The following COL11A1 variants were observed in gnomAD, a reference collection of about 807,000 sequenced individuals.
The protein encoded by COL11A1 is collagen type XI alpha 1 chain.
In COL11A1, 74 loss-of-function variants were observed where a neutral mutation model predicts 265.2. That is an observed-to-expected ratio of 0.28 (90% CI 0.23 to 0.34). The LOEUF is 0.34. Ranked by LOEUF, COL11A1 falls within the 10% of genes least tolerant of loss-of-function variation. The pLI, the probability that COL11A1 is intolerant of heterozygous loss-of-function variation, is 1.00. For missense variants in COL11A1, 2,165 were observed against 2,263.6 expected (o/e 0.96, Z 0.88); for synonymous variants, 816 against 727.6 (o/e 1.12, Z -1.96).
chr1:102,920,258 A>T, intron 49 of COL11A1, 53 bp downstream of exon 49: 1 of 1,484,776 alleles, frequency 6.7e-7, no homozygotes, highest in Non-Finnish European at 9.4e-7. Flanking sequence ...ACCCAATATT[A>T]TTACAGTTCT....
chr1:102,972,432 A>G (rs566662667), intron 36 of COL11A1, among the ~76,000 whole-genome samples: 2 of 152,290 alleles, frequency 1.3e-5, no homozygotes, highest in South Asian at 4.1e-4. Flanking sequence ...ATAATATTTA[A>G]TGGCTTTCCT....
chr1:102,956,295 T>A (rs1327799446), intron 41 of COL11A1, among the ~76,000 whole-genome samples: 1 of 152,206 alleles, frequency 6.6e-6, no homozygotes, highest in African/African-American at 2.4e-5. Flanking sequence ...TTCTGTTCTT[T>A]TAGTATATTC....
chr1:102,889,213 T>C (rs1651412853), intron 59 of COL11A1, among the ~76,000 whole-genome samples: 1 of 152,180 alleles, frequency 6.6e-6, no homozygotes, highest in Non-Finnish European at 1.5e-5. Flanking sequence ...GATGGGAATT[T>C]AGTACATGTT....
intron 4 of COL11A1, among the ~76,000 whole-genome samples, chr1:103,033,139 A>G (rs927381500): frequency 3.9e-5 from 6 of 152,082 alleles, no homozygotes; most frequent in African/African-American, 1.2e-4. Context: ...TAATGTCTTC[A>G]AGATTGATGC....
At chr1:102,899,773 G>A (rs1225442071) in intron 54 of COL11A1, among the ~76,000 whole-genome samples, 1 of 152,082 alleles carries the variant, frequency 6.6e-6, no homozygotes, top group Non-Finnish European at 1.5e-5. Context: ...ATTGGGGTTG[G>A]TGGTTGCAGA....
chr1:103,040,636 T>C (rs1001172062), intron 4 of COL11A1, among the ~76,000 whole-genome samples: 7 of 151,600 alleles, frequency 4.6e-5, no homozygotes, highest in African/African-American at 1.7e-4. Context: ...TGATACATTT[T>C]AAAAACATTT....
chr1:103,026,036 C>A, intron 6 of COL11A1, 180 bp downstream of exon 6: 1 of 1,423,306 alleles, frequency 7.0e-7, no homozygotes, highest in Admixed American at 1.7e-5. Context: ...GAAGGCTAAG[C>A]AAAAGTGAAA....
At chr1:102,900,184 A>G (rs559324172) in intron 54 of COL11A1, among the ~76,000 whole-genome samples, 1 of 152,280 alleles carries the variant, frequency 6.6e-6, no homozygotes, top group South Asian at 2.1e-4. Flanking sequence ...ATCTATTATT[A>G]GACATTCATT....
chr1:103,033,950 A>G (rs1668171714), intron 4 of COL11A1, among the ~76,000 whole-genome samples: 1 of 152,042 alleles, frequency 6.6e-6, no homozygotes, highest in Admixed American at 6.6e-5. Context: ...TTTGCATTTG[A>G]GAGTCAGTTT....
chr1:102,886,934 T>C lies in COL11A1; in HGVS notation c.4731A>G (p.Glu1577=). Residue 1577 remains glutamate, a synonymous_variant, in exon 63 of 67, where the codon GAA becomes GAG. Transcript: ENST00000370096. ...GGGAATTGAGGGAACCAAATATTTCTTCCATTCCATCCGAGTAATCAAGAA... is the reference window on the plus strand; with the variant it reads ...GGGAATTGAGGGAACCAAATATTTCCTCCATTCCATCCGAGTAATCAAGAA... ...DNILDYSDGM[E]EIFGSLNSLK... is the part of the protein sequence containing the mutation. 1 of 1,613,932 alleles carries C rather than the reference T, an allele frequency of 6.2e-7. No individual in the cohort carries two copies. The highest frequency in any genetic ancestry group is 2.2e-5 in the East Asian group (1 of 44,850).
chr1:102,949,507 T>G (rs185100522), intron 41 of COL11A1, among the ~76,000 whole-genome samples: 204 of 152,320 alleles, frequency 1.3e-3, no homozygotes, highest in Middle Eastern at 3.4e-3. Context: ...TGATGGGTAC[T>G]AGACTAGAAT....
At chr1:103,077,326 G>GA in intron 3 of COL11A1, among the ~76,000 whole-genome samples, 1 of 147,604 alleles carries the variant, frequency 6.8e-6, no homozygotes, top group South Asian at 2.1e-4. Flanking sequence ...TGATGTTTTT[G>GA]TTTTTTTTTC....
chr1:102,989,251 CAT>C (rs1491308707), intron 29 of COL11A1, among the ~76,000 whole-genome samples: 3 of 151,216 alleles, frequency 2.0e-5, no homozygotes, highest in Non-Finnish European at 4.4e-5. Flanking sequence ...CGTGTGTGTG[CAT>C]GTGTGTGTGT....
chr1:103,057,311 C>T (rs1011011037), intron 4 of COL11A1, among the ~76,000 whole-genome samples: 1 of 152,184 alleles, frequency 6.6e-6, no homozygotes, highest in African/African-American at 2.4e-5. Context: ...CAAGTTTTAT[C>T]ATGAGGTTAC....
intron 4 of COL11A1, among the ~76,000 whole-genome samples, chr1:103,042,055 T>C (rs910430013): frequency 6.6e-6 from 1 of 152,098 alleles, no homozygotes; most frequent in Non-Finnish European, 1.5e-5. Flanking sequence ...ATTTCTCCTA[T>C]AACTTTTAAT....
At chr1:102,922,113 A>G (rs1656053977) in intron 47 of COL11A1, among the ~76,000 whole-genome samples, 1 of 152,216 alleles carries the variant, frequency 6.6e-6, no homozygotes, top group Non-Finnish European at 1.5e-5. Context: ...AAAACTTTTT[A>G]TAAAATACTG....
chr1:102,971,195 T>C (rs72985761), intron 36 of COL11A1, among the ~76,000 whole-genome samples: 3,116 of 152,308 alleles, frequency 0.02, 101 homozygotes, highest in African/African-American at 0.071. Context: ...GCATAATGTT[T>C]GTGAAGTACC....
At chr1:103,022,012 A>AT (rs1489727086) in intron 8 of COL11A1, among the ~76,000 whole-genome samples, 1 of 59,188 alleles carries the variant, frequency 1.7e-5, no homozygotes, top group Non-Finnish European at 3.6e-5. Flanking sequence ...ACACCTAGCT[A>AT]ATTTTTTTTT....
intron 65 of COL11A1, 115 bp downstream of exon 65, chr1:102,881,582 G>T: frequency 1.2e-6 from 1 of 852,166 alleles, no homozygotes; most frequent in Admixed American, 2.0e-5. Context: ...AGAGACCACA[G>T]GGAATCCTCA....
Sources: gnomAD v4.1 joint callset for allele counts (sites outside exome capture counted in the v4.1 genomes callset) on GRCh38, gnomAD v4.1.1 for gene constraint, MANE v1.5 for transcripts, NCBI Gene and HGNC (gene_info 2026-07-23, HGNC 2026-07-21) for gene names.